The following ZNF407 variants were observed in gnomAD, a reference collection of about 807,000 sequenced individuals.
ZNF407 encodes the protein zinc finger protein 407.
ZNF407 carries 17 observed loss-of-function variants against 131.2 expected under a neutral mutation model. The observed-to-expected ratio is 0.13, with a 90% confidence interval of 0.09 to 0.19. The LOEUF is 0.19. Among genes scored for constraint, ZNF407 ranks in the 10% least tolerant of loss-of-function variants. The pLI, the probability that ZNF407 is intolerant of heterozygous loss-of-function variation, is 1.00. For missense variants in ZNF407, 2,681 were observed against 2,830.6 expected (o/e 0.95, Z 1.20); for synonymous variants, 1,156 against 1,062.0 (o/e 1.09, Z -1.72).
At chr18:74,647,879 C>A (rs1206501937) in intron 3 of ZNF407, among the ~76,000 whole-genome samples, 1 of 152,082 alleles carries the variant, frequency 6.6e-6, no homozygotes, top group Non-Finnish European at 1.5e-5. Context: ...GAAGGAAAAT[C>A]TTTTCTCACA....
chr18:74,846,633 T>G (rs1970707282), intron 4 of ZNF407, among the ~76,000 whole-genome samples: 1 of 151,868 alleles, frequency 6.6e-6, no homozygotes, highest in Non-Finnish European at 1.5e-5. Context: ...CACTGCCTTT[T>G]AAGGCATCGA....
intron 4 of ZNF407, among the ~76,000 whole-genome samples, chr18:74,863,520 G>GT (rs1174628191): frequency 6.6e-6 from 1 of 151,872 alleles, no homozygotes; most frequent in Non-Finnish European, 1.5e-5. Flanking sequence ...CCAGTGGAAT[G>GT]TTTTGTCCTT....
At chr18:74,756,611 G>A (rs1281826765) in intron 3 of ZNF407, among the ~76,000 whole-genome samples, 2 of 152,076 alleles carry the variant, frequency 1.3e-5, no homozygotes, top group Non-Finnish European at 2.9e-5. Context: ...GAAACACAAT[G>A]CATTTTTGTG....
intron 8 of ZNF407, among the ~76,000 whole-genome samples, chr18:74,929,670 G>A (rs7244112): frequency 0.13 from 20,175 of 152,188 alleles, 1,570 homozygotes; most frequent in Admixed American, 0.26. Context: ...TTGCCCACTC[G>A]TGTTGCTACT....
chr18:74,673,961 A>G (rs1298645983), intron 3 of ZNF407, among the ~76,000 whole-genome samples: 2 of 152,240 alleles, frequency 1.3e-5, no homozygotes, highest in Non-Finnish European at 2.9e-5. Flanking sequence ...TCTAGAAAAT[A>G]TGTACCTATA....
At chr18:74,939,254 A>G (rs1486634487) in intron 8 of ZNF407, among the ~76,000 whole-genome samples, 1 of 152,208 alleles carries the variant, frequency 6.6e-6, no homozygotes, top group Non-Finnish European at 1.5e-5. Context: ...TCAAGAATAG[A>G]AATATTGAAA....
chr18:75,035,331 A>T (rs1973295482), intron 8 of ZNF407, among the ~76,000 whole-genome samples: 2 of 152,214 alleles, frequency 1.3e-5, no homozygotes, highest in Admixed American at 6.5e-5. Flanking sequence ...AGAAAGTGAG[A>T]TACCTGTTAG....
At chr18:75,033,597 A>G (rs932603403) in intron 8 of ZNF407, among the ~76,000 whole-genome samples, 1 of 152,248 alleles carries the variant, frequency 6.6e-6, no homozygotes, top group Non-Finnish European at 1.5e-5. Context: ...AGGCCAAAGC[A>G]GGGAAGAATC....
chr18:74,655,457 T>G (rs2144719000), intron 3 of ZNF407, among the ~76,000 whole-genome samples: 1 of 152,246 alleles, frequency 6.6e-6, no homozygotes, highest in African/African-American at 2.4e-5. Context: ...GCAACTGGAC[T>G]GGTATCTATC....
intron 8 of ZNF407, among the ~76,000 whole-genome samples, chr18:74,966,521 GTGTGTCTGTTTTTA>G (rs1972411854): frequency 6.6e-6 from 1 of 152,086 alleles, no homozygotes; most frequent in South Asian, 2.1e-4. Context: ...CCCTGGGTCT[GTGTGTCTGTTTTTA>G]TGCCAATACC....
chr18:74,800,768 C>G (rs1207662070), intron 4 of ZNF407, among the ~76,000 whole-genome samples: 1 of 152,094 alleles, frequency 6.6e-6, no homozygotes. Flanking sequence ...CCCAGTGTCT[C>G]AGGAAATGTT....
chr18:74,753,611 A>C (rs909364044), intron 3 of ZNF407, among the ~76,000 whole-genome samples: 4 of 152,106 alleles, frequency 2.6e-5, no homozygotes, highest in Admixed American at 6.6e-5. Flanking sequence ...CTATTGAGAT[A>C]ATTGTGGTTT....
In ZNF407 at chr18:74,920,600, AC is replaced by A. The variant is rs771815173; in HGVS notation, c.5337del (p.Tyr1780ThrfsTer13). 1 of 1,610,616 alleles carries A rather than the reference AC, an allele frequency of 6.2e-7. No individual in the cohort carries two copies. Among genetic ancestry groups the A allele is most frequent in the Admixed American group, 1.7e-5 (1 of 59,978 alleles). On this transcript the variant is annotated frameshift_variant, in exon 8 of 9. Transcript: ENST00000299687. LOFTEE classifies it high-confidence loss of function. ...AAGATGTACAACTGTCCCAAGTGTG[AC>A]TACGGGACCAACGTCCCGGTGGAGT... ...GVKMYNCPKCDYGTNVPVEFR... is the reference protein window; with the variant it reads ...GVKMYNCPKCXYGTNVPVEFR...
At chr18:74,841,458 C>T (rs1310348785) in intron 4 of ZNF407, among the ~76,000 whole-genome samples, 1 of 152,154 alleles carries the variant, frequency 6.6e-6, no homozygotes, top group African/African-American at 2.4e-5. Flanking sequence ...GCGGTACTCC[C>T]AAACCTCCTC....
At chr18:74,709,677 G>C (rs1247239826) in intron 3 of ZNF407, among the ~76,000 whole-genome samples, 1 of 152,204 alleles carries the variant, frequency 6.6e-6, no homozygotes, top group Non-Finnish European at 1.5e-5. Flanking sequence ...GCACTTGAAT[G>C]ACCCAATACA....
At chr18:75,042,075 T>G (rs1253042792) in intron 8 of ZNF407, among the ~76,000 whole-genome samples, 19 of 150,834 alleles carry the variant, frequency 1.3e-4, no homozygotes, top group Admixed American at 1.2e-3. Context: ...TTTTTTTTTC[T>G]TATTAACTAG....
intron 8 of ZNF407, among the ~76,000 whole-genome samples, chr18:75,008,090 G>A (rs983410017): frequency 5.3e-5 from 8 of 152,220 alleles, no homozygotes; most frequent in Non-Finnish European, 1.2e-4. Flanking sequence ...TGAATTGGGA[G>A]TGAATTGGGA....
At chr18:74,755,773 C>CTT (rs769763395) in intron 3 of ZNF407, among the ~76,000 whole-genome samples, 1,286 of 113,196 alleles carry the variant, frequency 0.011, 24 homozygotes, top group African/African-American at 0.038. Flanking sequence ...TTCTTTCTTT[C>CTT]TCTCTCTCTC....
At chr18:74,873,743 T>C (rs1218124636) in intron 4 of ZNF407, among the ~76,000 whole-genome samples, 1 of 152,052 alleles carries the variant, frequency 6.6e-6, no homozygotes, top group African/African-American at 2.4e-5. Context: ...CTTTTAAATT[T>C]ATGCTAGAAG....
Sources: allele counts gnomAD v4.1 joint callset (sites outside exome capture counted in the v4.1 genomes callset), GRCh38; gene constraint gnomAD v4.1.1; transcripts MANE v1.5; gene names NCBI Gene and HGNC (gene_info 2026-07-23, HGNC 2026-07-21).